Variants in FBLN1 observed in about 807,000 individuals in gnomAD.
The protein encoded by FBLN1 is fibulin-1.
A neutral mutation model predicts 89.7 loss-of-function variants in FBLN1; 34 were observed. The ratio of observed to expected loss-of-function variants is 0.38; its 90% CI spans 0.29 to 0.50. FBLN1 has a LOEUF of 0.50. FBLN1 is among the 20% of genes least tolerant of loss of function. The pLI is 0.92. For missense variants in FBLN1, 777 were observed against 988.1 expected (o/e 0.79, Z 2.86); for synonymous variants, 393 against 391.3 (o/e 1.00, Z -0.05).
intron 16 of FBLN1, among the ~76,000 whole-genome samples, chr22:45,587,737 A>G (rs570060076): frequency 3.2e-4 from 48 of 152,128 alleles, no homozygotes; most frequent in African/African-American, 1.1e-3. Flanking sequence ...CTCAGACCCC[A>G]AATATTCCAT....
rs1163741797 is a variant in FBLN1, at chr22:45,588,046, T to G, written c.1972+10938T>G. Among the ~76,000 whole-genome samples the G allele has an allele frequency of 1.3e-5, 2 of 152,202 alleles. No homozygotes were observed. The highest frequency in any genetic ancestry group is 2.4e-5 in the African/African-American group (1 of 41,448). ...AGACATGAACGCCTCTCTCATACAC[T>G]TTTTATCCCAGAGGGTAGGAGTACA... On this transcript the variant is annotated intron_variant, in intron 16 of 16. Coordinates refer to ENST00000327858, the MANE Select transcript of FBLN1 (RefSeq NM_006486.3). This position sits in a 1 kb window ranked among gnomAD's most constrained non-coding sequence, Gnocchi z 5.1.
chr22:45,572,986 G>A lies in FBLN1; in HGVS notation c.1698-1525G>A, dbSNP rs1306762109. ...TCACGCCTGTAATCCCAACACTTTG[G>A]GAGGCCAAGGTGGGTGGGTCACCTG... is the stretch of plus-strand genomic sequence containing the variant. On this transcript the variant is annotated intron_variant, in intron 14 of 16. Coordinates refer to ENST00000327858, the MANE Select transcript of FBLN1 (RefSeq NM_006486.3). The surrounding 1 kb of genome is among the most constrained non-coding windows in gnomAD (Gnocchi z 5.8). Among the ~76,000 whole-genome samples the A allele has an allele frequency of 1.3e-5, 2 of 152,220 alleles. No individual in the cohort carries two copies. Among genetic ancestry groups the A allele is most frequent in the African/African-American group, 4.8e-5 (2 of 41,446 alleles).
rs112157355 is a variant in FBLN1, at chr22:45,543,694, C to G, written c.1321+168C>G. Among the ~76,000 whole-genome samples the G allele has an allele frequency of 1.8e-3, 271 of 152,352 alleles. 2 individuals are homozygous for G. The highest frequency in any genetic ancestry group is 6.3e-3 in the African/African-American group (261 of 41,582). The stretch of plus-strand genomic sequence containing the variant: ...TTGTTCATCAGAGAGGACTGCCCGC[C>G]TGCCCACCCGATTTCTCCTGATGAC... On this transcript the variant is annotated intron_variant, in intron 11 of 16. Coordinates refer to ENST00000327858, the MANE Select transcript of FBLN1 (RefSeq NM_006486.3).
In FBLN1 at chr22:45,588,903, G is replaced by A. The variant is rs950233393; in HGVS notation, c.1973-11404G>A. On this transcript the variant is annotated intron_variant, in intron 16 of 16. Coordinates refer to ENST00000327858, the MANE Select transcript of FBLN1 (RefSeq NM_006486.3). The surrounding 1 kb of genome is among the most constrained non-coding windows in gnomAD (Gnocchi z 5.1). ...AATCTGCGAAAGGATCTCAGTGCCC[G>A]CCATTACCTGGCCAGCACCGGGAGG... is the stretch of plus-strand genomic sequence containing the variant. 1.3e-5 allele frequency among the ~76,000 whole-genome samples: 2 copies of A among 150,814 alleles called. No homozygotes were observed. Among genetic ancestry groups the A allele is most frequent in the African/African-American group, 2.4e-5 (1 of 40,930 alleles).
Position 45,561,616 on chromosome 22 carries a change from C to CA in FBLN1, c.1697+11005dup, listed in dbSNP as rs1463862044. 6.6e-6 allele frequency among the ~76,000 whole-genome samples: 1 copy of CA among 152,162 alleles called. No homozygotes were observed. The highest frequency in any genetic ancestry group is 2.4e-5 in the African/African-American group (1 of 41,420). ...GTTAACCAGCCAACCCCAGAAACCC[C>CA]AAAACCAATGAAAGAACTCCATCTT... On this transcript the variant is annotated intron_variant, in intron 14 of 16. Transcript: ENST00000327858. This position sits in a 1 kb window ranked among gnomAD's most constrained non-coding sequence, Gnocchi z 4.7.
intron 14 of FBLN1, among the ~76,000 whole-genome samples, chr22:45,559,758 A>G (rs1158273213): frequency 6.6e-6 from 1 of 152,146 alleles, no homozygotes; most frequent in African/African-American, 2.4e-5. Flanking sequence ...ATAGTCCCCA[A>G]AATGTCTGAT....
At chr22:45,525,491 C>G (rs1374645688) in intron 2 of FBLN1, 52 bp from the exon 3 acceptor site, 6 of 1,540,384 alleles carry the variant, frequency 3.9e-6, no homozygotes, top group Non-Finnish European at 5.3e-6. Context: ...GGATCTCGTG[C>G]CCTGGGCCCC....
intron 2 of FBLN1, 65 bp from the exon 3 acceptor site, chr22:45,525,478 C>A: frequency 6.7e-7 from 1 of 1,503,034 alleles, no homozygotes; most frequent in Non-Finnish European, 9.0e-7. Context: ...CCCCCACCCC[C>A]GAGGATCTCG....
At chr22:45,555,476 G>A (rs2088776846) in intron 14 of FBLN1, among the ~76,000 whole-genome samples, 1 of 152,040 alleles carries the variant, frequency 6.6e-6, no homozygotes, top group South Asian at 2.1e-4. Flanking sequence ...ACGGGAGAAA[G>A]ATGTAGGCTG....
At chr22:45,511,305 T>C (rs908672159) in intron 1 of FBLN1, among the ~76,000 whole-genome samples, 3 of 149,724 alleles carry the variant, frequency 2.0e-5, no homozygotes, top group Non-Finnish European at 3.0e-5. Flanking sequence ...CAGGCATACG[T>C]CACCATGCCT....
rs367707251 is a variant in FBLN1, at chr22:45,511,942, A to G, written c.80-6740A>G. Among the ~76,000 whole-genome samples the G allele has an allele frequency of 2.0e-5, 3 of 152,268 alleles. No homozygotes were observed. In the East Asian group the frequency reaches 5.8e-4, roughly 29 times the overall value. ...ATATTATGCTTTGGATCTAACTCACATGGTCAGATGCAGGGGTCAGATTGA... is the reference window on the plus strand; with the variant it reads ...ATATTATGCTTTGGATCTAACTCACGTGGTCAGATGCAGGGGTCAGATTGA... On this transcript the variant is annotated intron_variant, in intron 1 of 16. Coordinates refer to ENST00000327858, the MANE Select transcript of FBLN1 (RefSeq NM_006486.3).
chr22:45,587,455 C>A (rs1203625672), intron 16 of FBLN1, among the ~76,000 whole-genome samples: 1 of 152,056 alleles, frequency 6.6e-6, no homozygotes, highest in Non-Finnish European at 1.5e-5. Context: ...GAGACATCCT[C>A]AGCCCAGAGC....
At chr22:45,554,568 G>C (rs2088753718) in intron 14 of FBLN1, among the ~76,000 whole-genome samples, 1 of 152,232 alleles carries the variant, frequency 6.6e-6, no homozygotes, top group African/African-American at 2.4e-5. Context: ...GGAAAGAGGA[G>C]GTAAAAGGAG....
At chr22:45,520,094 C>T (rs530382302) in intron 2 of FBLN1, among the ~76,000 whole-genome samples, 24 of 152,076 alleles carry the variant, frequency 1.6e-4, no homozygotes, top group Admixed American at 1.2e-3. Context: ...CGCTTGAACC[C>T]GGGAAGCGGA....
In FBLN1 at chr22:45,531,459, G is replaced by A. The variant is rs575151700; in HGVS notation, c.544+135G>A. 6 of 757,772 alleles carry A rather than the reference G, an allele frequency of 7.9e-6. No homozygotes were observed. Among genetic ancestry groups the A allele is most frequent in the South Asian group, 7.3e-5 (5 of 68,632 alleles). The allele number at this position is 757,772 out of a possible 1,614,324, so 46.9% of individuals were successfully genotyped here. A position where few individuals can be genotyped will look rare whatever the true frequency, so the allele number is the denominator to read the frequency against. ...TCCTTGAGCCCAGGAGGTTGTGGCT[G>A]CAGTGAGCTATGACTGCACCTTTGC... On this transcript the variant is annotated intron_variant, in intron 5 of 16. Transcript: ENST00000327858. The surrounding 1 kb of genome is among the most constrained non-coding windows in gnomAD (Gnocchi z 4.9).
Position 45,577,234 on chromosome 22 carries a change from C to A in FBLN1, c.1972+126C>A, listed in dbSNP as rs1315119463. 4.5e-6 allele frequency: 5 copies of A among 1,110,056 alleles called. No individual in the cohort carries two copies. The highest frequency in any genetic ancestry group is 6.6e-6 in the Non-Finnish European group (5 of 754,950). The allele number at this position is 1,110,056 out of a possible 1,614,324, so 68.8% of individuals were successfully genotyped here. Reference sequence around the variant, plus strand: ...ATTCAAGCCCACCCAACCTTCAGGGCCCAGCGCCGAGGCCACCACAGCTCC... The same window carrying A: ...ATTCAAGCCCACCCAACCTTCAGGGACCAGCGCCGAGGCCACCACAGCTCC... On this transcript the variant is annotated intron_variant, in intron 16 of 16. Coordinates refer to ENST00000327858, the MANE Select transcript of FBLN1 (RefSeq NM_006486.3). This position sits in a 1 kb window ranked among gnomAD's most constrained non-coding sequence, Gnocchi z 6.6.
chr22:45,550,573 T>A lies in FBLN1; in HGVS notation c.1655T>A (p.Leu552Gln). The A allele has an allele frequency of 6.2e-7, 1 of 1,614,106 alleles. No individual in the cohort carries two copies. Reference protein sequence around the residue: ...CFNIQGGFRCLAFECPENYRR... With the variant: ...CFNIQGGFRCQAFECPENYRR... The stretch of plus-strand genomic sequence containing the variant: ...AACATCCAGGGCGGCTTCCGCTGCC[T>A]GGCCTTCGAGTGCCCTGAGAACTAC... The change falls in exon 14 of 17, where the codon CTG (leucine) becomes CAG (glutamine). Residue 552 changes from leucine to glutamine, a missense_variant. Transcript: ENST00000327858. This position sits in a 1 kb window ranked among gnomAD's most constrained non-coding sequence, Gnocchi z 8.4.
In FBLN1 at chr22:45,557,277, T is replaced by C. The variant is rs1212612972; in HGVS notation, c.1697+6662T>C. ...ACGGATGGTAGTCTTGGCAGAAGCA[T>C]CGTGTGCAGGATAGGCAAACCCATA... is the stretch of plus-strand genomic sequence containing the variant. On this transcript the variant is annotated intron_variant, in intron 14 of 16. Coordinates refer to ENST00000327858, the MANE Select transcript of FBLN1 (RefSeq NM_006486.3). This position sits in a 1 kb window ranked among gnomAD's most constrained non-coding sequence, Gnocchi z 4.9. 6.6e-6 allele frequency among the ~76,000 whole-genome samples: 1 copy of C among 152,158 alleles called. No individual in the cohort carries two copies. The highest frequency in any genetic ancestry group is 1.5e-5 in the Non-Finnish European group (1 of 68,024).
Position 45,576,656 on chromosome 22 carries a change from T to G in FBLN1, c.1841-321T>G, listed in dbSNP as rs2088999741. ...CCCCTCACTCGCTTTCCTCCTCTGG[T>G]CCCCACCTTCATGAATATGCACAGT... On this transcript the variant is annotated intron_variant, in intron 15 of 16. Transcript: ENST00000327858. This position sits in a 1 kb window ranked among gnomAD's most constrained non-coding sequence, Gnocchi z 5.2. Among the ~76,000 whole-genome samples the G allele has an allele frequency of 6.6e-6, 1 of 152,076 alleles. No individual in the cohort carries two copies. The highest frequency in any genetic ancestry group is 2.1e-4 in the South Asian group (1 of 4,820).
Sources: gnomAD v4.1 joint callset for allele counts (sites outside exome capture counted in the v4.1 genomes callset) on GRCh38, gnomAD v4.1.1 for gene constraint, Gnocchi (gnomAD v3.1) non-coding constraint, MANE v1.5 for transcripts, NCBI Gene and HGNC (gene_info 2026-07-23, HGNC 2026-07-21) for gene names.